The following KLHL1 variants were observed in gnomAD, a reference collection of about 807,000 sequenced individuals.
KLHL1 encodes the protein kelch-like protein 1.
Under a neutral mutation model 77.7 loss-of-function variants are expected in KLHL1, and 47 were observed. The observed-to-expected ratio is 0.60, with a 90% CI of 0.48 to 0.77. The LOEUF (loss-of-function observed/expected upper bound fraction) is 0.77, where lower values mean the gene tolerates loss of function less well. Among genes scored for constraint, KLHL1 ranks in the 30% least tolerant of loss-of-function variants. The probability of loss-of-function intolerance (pLI) is 0.00; values close to 1 mark genes in which losing one functional copy is unlikely to be tolerated. For synonymous variants in KLHL1, 360 were observed against 325.2 expected, an observed-to-expected ratio of 1.11 and a Z score of -1.15; for missense variants, 925 against 910.8, an observed-to-expected ratio of 1.02 and a Z score of -0.20.
At chr13:69,879,709 G>T (rs542732363) in intron 5 of KLHL1, among the ~76,000 whole-genome samples, 29 of 152,090 alleles carry the variant, frequency 1.9e-4, no homozygotes, top group Admixed American at 1.6e-3. Flanking sequence ...GTTTGACATT[G>T]AGGCAAATAT....
chr13:70,101,912 T>C (rs1010833058), intron 1 of KLHL1, among the ~76,000 whole-genome samples: 1 of 143,280 alleles, frequency 7.0e-6, no homozygotes, highest in Admixed American at 6.9e-5. Context: ...GTTTAAATAA[T>C]AGTAAACTAT....
At chr13:69,934,841 C>G (rs910357144) in intron 4 of KLHL1, among the ~76,000 whole-genome samples, 1 of 151,450 alleles carries the variant, frequency 6.6e-6, no homozygotes, top group Non-Finnish European at 1.5e-5. Flanking sequence ...CTAATTCTAC[C>G]TCATTTTTTA....
Position 69,939,653 on chromosome 13 carries a change from C to T in KLHL1, c.1014+387G>A, listed in dbSNP as rs143503437. ...TATTGCCTGTTAAGTGTGCATAAAG[C>T]CATAAAGAAGCTTCCTGAATGCAAC... On this transcript the variant is annotated intron_variant, in intron 4 of 10. Coordinates refer to ENST00000377844, the MANE Select transcript of KLHL1 (RefSeq NM_020866.3). Among the ~76,000 whole-genome samples the T allele has an allele frequency of 1.6e-3, 250 of 151,842 alleles. 3 individuals carry two copies. The highest frequency in any genetic ancestry group is 5.3e-3 in the African/African-American group (221 of 41,336).
At chr13:69,900,849 T>A (rs1881829285) in intron 4 of KLHL1, among the ~76,000 whole-genome samples, 3 of 152,224 alleles carry the variant, frequency 2.0e-5, no homozygotes, top group African/African-American at 7.2e-5. Context: ...CATTTTCTTG[T>A]TAATTTGTGA....
rs1875503208 is a variant in KLHL1 at position 69,703,703 on chromosome 13, A to G, written c.2188-1942T>C. Among the ~76,000 whole-genome samples, 2 of 151,642 alleles carry G rather than the reference A, an allele frequency of 1.3e-5. 1 individual carries two copies. The highest frequency in any genetic ancestry group is 4.1e-4 in the South Asian group (2 of 4,834). On this transcript the variant is annotated intron_variant, in intron 10 of 10. Coordinates refer to ENST00000377844, the MANE Select transcript of KLHL1 (RefSeq NM_020866.3). Reference sequence around the variant, plus strand: ...TTTATCTTTTATACCATATTTCTACAGTACCTTTACTATGTTTAGATATGT... The same window carrying G: ...TTTATCTTTTATACCATATTTCTACGGTACCTTTACTATGTTTAGATATGT...
chr13:70,067,566 G>T (rs1314103334), intron 1 of KLHL1, among the ~76,000 whole-genome samples: 1 of 152,048 alleles, frequency 6.6e-6, no homozygotes, highest in Non-Finnish European at 1.5e-5. Context: ...CATTCGAGTG[G>T]AATTCCTTTG....
At chr13:69,915,940 A>T (rs1882415790) in intron 4 of KLHL1, among the ~76,000 whole-genome samples, 2 of 152,236 alleles carry the variant, frequency 1.3e-5, no homozygotes, top group African/African-American at 4.8e-5. Context: ...AAAGGATATG[A>T]ACAGACACTT....
chr13:69,978,684 A>G (rs1416975243), intron 1 of KLHL1, among the ~76,000 whole-genome samples: 2 of 151,840 alleles, frequency 1.3e-5, no homozygotes. Context: ...ACGGGGTTTC[A>G]CCATGTTTGT....
At chr13:69,836,365 A>T (rs1219877211) in intron 6 of KLHL1, among the ~76,000 whole-genome samples, 2 of 152,108 alleles carry the variant, frequency 1.3e-5, no homozygotes, top group Admixed American at 6.6e-5. Flanking sequence ...AGAGGCAGAA[A>T]TCCAGGCAGA....
chr13:69,854,774 A>G (rs979431396), intron 5 of KLHL1, among the ~76,000 whole-genome samples: 25 of 152,020 alleles, frequency 1.6e-4, no homozygotes, highest in Admixed American at 1.4e-3. Flanking sequence ...AGTCTTTTGA[A>G]TACATTAAAG....
chr13:70,028,487 G>A (rs558580473), intron 1 of KLHL1, among the ~76,000 whole-genome samples: 4 of 152,032 alleles, frequency 2.6e-5, no homozygotes, highest in African/African-American at 7.2e-5. Flanking sequence ...AGAGACCCAC[G>A]GCAATTCAAA....
chr13:69,710,594 A>G lies in KLHL1; in HGVS notation c.2016-2798T>C, dbSNP rs148486798. Among the ~76,000 whole-genome samples, 438 of 152,140 alleles carry G rather than the reference A, an allele frequency of 2.9e-3. 1 individual carries two copies. Among genetic ancestry groups the G allele is most frequent in the Non-Finnish European group, 5.4e-3 (364 of 67,978 alleles). On this transcript the variant is annotated intron_variant, in intron 9 of 10. Coordinates refer to ENST00000377844, the MANE Select transcript of KLHL1 (RefSeq NM_020866.3). ...TTCTTGTTCTCAAAATGATGACTTT[A>G]AATTGATTTTTCTATATTCAGGAAC...
intron 1 of KLHL1, among the ~76,000 whole-genome samples, chr13:70,073,599 G>A (rs1489340668): frequency 6.6e-6 from 1 of 151,864 alleles, no homozygotes; most frequent in Non-Finnish European, 1.5e-5. Flanking sequence ...ATCACAGTGA[G>A]ACCTTGTCTC....
rs1163478862 is a variant in KLHL1 at position 70,084,452 on chromosome 13, TTTC to T, written c.497+22748_497+22750del. On this transcript the variant is annotated intron_variant, in intron 1 of 10. Transcript: ENST00000377844. ...ATTCCAAGTGATATTTTCTAGTCTA[TTTC>T]TTCTTCTTCTTTTTTTTTTTTTGAG... 1.3e-4 allele frequency among the ~76,000 whole-genome samples: 12 copies of T among 89,938 alleles called. 1 individual carries two copies. The highest frequency in any genetic ancestry group is 1.8e-4 in the Non-Finnish European group (8 of 43,578). The allele number at this position is 89,938 out of a possible 152,430, so 59.0% of individuals were successfully genotyped here.
At chr13:69,719,191 T>G (rs1872914956) in intron 9 of KLHL1, among the ~76,000 whole-genome samples, 178 bp downstream of exon 9, 1 of 37,166 alleles carries the variant, frequency 2.7e-5, no homozygotes. Flanking sequence ...TACGTGTGTG[T>G]GTGTGTGTGT....
intron 5 of KLHL1, among the ~76,000 whole-genome samples, chr13:69,843,187 A>G (rs762535059): frequency 6.6e-6 from 1 of 151,730 alleles, no homozygotes; most frequent in Non-Finnish European, 1.5e-5. Context: ...AGACACGCCA[A>G]ATACCCTGCC....
At chr13:69,957,090 G>C (rs558743727) in intron 3 of KLHL1, among the ~76,000 whole-genome samples, 2 of 151,576 alleles carry the variant, frequency 1.3e-5, no homozygotes, top group African/African-American at 4.8e-5. Flanking sequence ...CAAATCAAAG[G>C]CTTATTGAAG....
intron 4 of KLHL1, among the ~76,000 whole-genome samples, chr13:69,935,567 G>C (rs1383519788): frequency 6.6e-6 from 1 of 152,110 alleles, no homozygotes; most frequent in Non-Finnish European, 1.5e-5. Flanking sequence ...AGTCTCTGTA[G>C]AAGTAACATT....
chr13:69,982,726 C>T (rs776824228), intron 1 of KLHL1, among the ~76,000 whole-genome samples: 1 of 151,708 alleles, frequency 6.6e-6, no homozygotes, highest in African/African-American at 2.4e-5. Context: ...AAAAAGAACA[C>T]TACCAACTAT....
Sources: gnomAD v4.1 joint callset for allele counts (sites outside exome capture counted in the v4.1 genomes callset) on GRCh38, gnomAD v4.1.1 for gene constraint, MANE v1.5 for transcripts, NCBI Gene and HGNC (gene_info 2026-07-23, HGNC 2026-07-21) for gene names.